The following VPS33A variants were observed in gnomAD, a reference collection of about 807,000 sequenced individuals.
VPS33A encodes the protein VPS33A core subunit of CORVET and HOPS complexes.
Under a neutral mutation model 71.8 loss-of-function variants are expected in VPS33A, and 32 were observed. The ratio of observed to expected loss-of-function variants is 0.45; its 90% CI spans 0.34 to 0.60. VPS33A has a LOEUF of 0.60. VPS33A is among the 20% of genes least tolerant of loss of function. The pLI is 0.02. For synonymous variants in VPS33A, 311 were observed against 292.7 expected, an observed-to-expected ratio of 1.06 and a Z score of -0.64; for missense variants, 625 against 748.5, an observed-to-expected ratio of 0.84 and a Z score of 1.92.
At chr12:122,254,740 G>A (rs1250895729) in intron 4 of VPS33A, among the ~76,000 whole-genome samples, 3 of 152,072 alleles carry the variant, frequency 2.0e-5, no homozygotes, top group Non-Finnish European at 4.4e-5. Flanking sequence ...CAAAGCCAAA[G>A]GCTTGAAATT....
chr12:122,260,939 C>T (rs562899454), intron 4 of VPS33A, among the ~76,000 whole-genome samples: 25 of 152,326 alleles, frequency 1.6e-4, no homozygotes, highest in South Asian at 8.3e-4. Context: ...CGCGCCACTG[C>T]GCTCCAGCCC....
At chr12:122,233,196 G>C (rs1205133407) in intron 11 of VPS33A, among the ~76,000 whole-genome samples, 1 of 151,358 alleles carries the variant, frequency 6.6e-6, no homozygotes, top group African/African-American at 2.4e-5. Flanking sequence ...TCTAGGTACA[G>C]AAGATGAAGA....
At chr12:122,263,069 T>G (rs909872713) in intron 3 of VPS33A, among the ~76,000 whole-genome samples, 1 of 150,350 alleles carries the variant, frequency 6.7e-6, no homozygotes, top group African/African-American at 2.5e-5. Flanking sequence ...CTCAGCTCAC[T>G]GCAACCTCTG....
Position 122,239,858 on chromosome 12 carries a change from A to G in VPS33A, c.1164+20T>C. 1 of 1,565,314 alleles carries G rather than the reference A, an allele frequency of 6.4e-7. No individual in the cohort carries two copies. The highest frequency in any genetic ancestry group is 8.7e-7 in the Non-Finnish European group (1 of 1,147,292). ...ATAAGCTTTCAATTACTTGTTAAAG[A>G]GGTTTTTTTGTCCACATACCTTATC... On this transcript the variant is annotated intron_variant, in intron 9 of 12. Transcript: ENST00000267199.
Position 122,238,658 on chromosome 12 carries a change from A to C in VPS33A, c.1231T>G (p.Cys411Gly). The change falls in exon 10 of 13, where the codon TGC (cysteine) becomes GGC (glycine). Residue 411 changes from cysteine (C) to glycine (G), a missense_variant. Cys to Gly is a radical substitution (Grantham distance 159). Transcript: ENST00000267199. ...HSLIKVLRLV[C>G]LQSVCNSGLK... Reference sequence around the variant, plus strand: ...CCACTATTACACACGGATTGGAGGCAAACTAGTCTTAACACCTTGATCAAC... The same window carrying C: ...CCACTATTACACACGGATTGGAGGCCAACTAGTCTTAACACCTTGATCAAC... 2 of 1,614,030 alleles carry C rather than the reference A, an allele frequency of 1.2e-6. No homozygotes were observed. The highest frequency in any genetic ancestry group is 1.7e-6 in the Non-Finnish European group (2 of 1,179,988).
rs1593191209 is a variant in VPS33A at position 122,232,399 on chromosome 12, CAG to C, written c.1636_1637del (p.Leu546AspfsTer11). The C allele has an allele frequency of 2.5e-6, 4 of 1,613,152 alleles. No individual in the cohort carries two copies. The highest frequency in any genetic ancestry group is 3.4e-6 in the Non-Finnish European group (4 of 1,179,780). ...AGGTTACGCCCCCAAGGAAAAATAT[CAG>C]AGTCACTCGGTTTTCTCCCGGTTGA... ...KRQPGENRVTLIFFLGGVTFA... is the reference protein window; with the variant it reads ...KRQPGENRVTXIFFLGGVTFA... On this transcript the variant is annotated frameshift_variant, in exon 13 of 13. Coordinates refer to ENST00000267199, the MANE Select transcript of VPS33A (RefSeq NM_022916.6). LOFTEE classifies it high-confidence loss of function.
chr12:122,235,249 G>A (rs929656232), intron 11 of VPS33A, among the ~76,000 whole-genome samples: 38 of 150,466 alleles, frequency 2.5e-4, no homozygotes, highest in African/African-American at 3.2e-4. Flanking sequence ...ATGAGCCACC[G>A]AGCCTGCCCC....
intron 7 of VPS33A, among the ~76,000 whole-genome samples, chr12:122,243,303 T>C (rs1371791799): frequency 1.3e-5 from 2 of 152,248 alleles, no homozygotes; most frequent in South Asian, 4.1e-4. Context: ...TGGAGTGCAG[T>C]GGTGTCATCA....
intron 5 of VPS33A, 183 bp from the exon 6 acceptor site, chr12:122,250,228 C>G (rs901200140): frequency 3.0e-5 from 18 of 590,444 alleles, no homozygotes; most frequent in African/African-American, 3.0e-4. Flanking sequence ...ACACTTGCAC[C>G]AAGGCAGCTG....
At chr12:122,254,724 A>C (rs1400176600) in intron 4 of VPS33A, among the ~76,000 whole-genome samples, 1 of 152,126 alleles carries the variant, frequency 6.6e-6, no homozygotes, top group Non-Finnish European at 1.5e-5. Context: ...ATCTTAGGTG[A>C]ATATACAAAG....
At chr12:122,255,812 C>T (rs533664781) in intron 4 of VPS33A, among the ~76,000 whole-genome samples, 66 of 146,576 alleles carry the variant, frequency 4.5e-4, no homozygotes, top group Admixed American at 5.5e-4. Flanking sequence ...TTTTATTTTT[C>T]GCTTTTTCTG....
At chr12:122,261,234 C>T in intron 4 of VPS33A, 27 bp downstream of exon 4, 1 of 1,592,936 alleles carries the variant, frequency 6.3e-7, no homozygotes, top group South Asian at 1.1e-5. Flanking sequence ...AAATTAATGC[C>T]TGAAGTTAAG....
At chr12:122,264,870 A>G (rs1955046399) in intron 1 of VPS33A, 1 of 151,944 alleles carries the variant, frequency 6.6e-6, no homozygotes, top group South Asian at 2.1e-4. Context: ...ATTGAGCCAT[A>G]TGGAAATTGT....
At chr12:122,256,638 G>A (rs1954922958) in intron 4 of VPS33A, among the ~76,000 whole-genome samples, 1 of 150,078 alleles carries the variant, frequency 6.7e-6, no homozygotes, top group Admixed American at 6.7e-5. Context: ...AGCAGCAGCA[G>A]CATCATAAAC....
chr12:122,257,303 T>C (rs1954931415), intron 4 of VPS33A, among the ~76,000 whole-genome samples: 1 of 151,568 alleles, frequency 6.6e-6, no homozygotes, highest in Admixed American at 6.6e-5. Context: ...GGTGGATGCC[T>C]GTAATCCCAG....
At chr12:122,261,972 A>G (rs1213274518) in intron 3 of VPS33A, among the ~76,000 whole-genome samples, 1 of 152,222 alleles carries the variant, frequency 6.6e-6, no homozygotes, top group Non-Finnish European at 1.5e-5. Context: ...ACTGCATTCC[A>G]GCCTGGGCAA....
At chr12:122,249,143 G>A (rs766744441) in intron 6 of VPS33A, 1 of 152,074 alleles carries the variant, frequency 6.6e-6, no homozygotes, top group East Asian at 1.9e-4. Flanking sequence ...TACATATGCA[G>A]ACACATATAT....
At chr12:122,237,285 C>T (rs376761567) in intron 10 of VPS33A, among the ~76,000 whole-genome samples, 16 of 152,208 alleles carry the variant, frequency 1.1e-4, no homozygotes, top group Admixed American at 6.5e-4. Context: ...GGTATAACTG[C>T]GGAGTTAAGA....
Position 122,266,470 on chromosome 12 carries a change from C to A in VPS33A, c.-62G>T, listed in dbSNP as rs1002701008. The A allele has an allele frequency of 2.4e-5, 37 of 1,571,614 alleles. No individual in the cohort carries two copies. The highest frequency in any genetic ancestry group is 2.9e-5 in the Non-Finnish European group (33 of 1,152,784). On this transcript the variant is annotated 5_prime_UTR_variant, in exon 1 of 13. Coordinates refer to ENST00000267199, the MANE Select transcript of VPS33A (RefSeq NM_022916.6). The stretch of plus-strand genomic sequence containing the variant: ...AGTCCGCCGGTTCCTACGGGAGGAC[C>A]ACGGACGCAGTCACGTGACCAAACG...
Sources: gnomAD v4.1 joint callset for allele counts (sites outside exome capture counted in the v4.1 genomes callset) on GRCh38, gnomAD v4.1.1 for gene constraint, MANE v1.5 for transcripts, NCBI Gene and HGNC (gene_info 2026-07-23, HGNC 2026-07-21) for gene names.